Variants in GALNT17 observed in about 807,000 individuals in gnomAD.
GALNT17 encodes UDP-GalNAc:polypeptide N-acetylgalactosaminyltransferase-like 3.
Under a neutral mutation model 63.7 loss-of-function variants are expected in GALNT17, and 29 were observed. That is an observed-to-expected ratio of 0.46 (90% confidence interval 0.34 to 0.62). The LOEUF is 0.62. Ranked by LOEUF, GALNT17 falls within the 20% of genes least tolerant of loss-of-function variation. GALNT17 has a pLI of 0.01. For synonymous variants in GALNT17, 305 were observed against 318.3 expected, an observed-to-expected ratio of 0.96 and a Z score of 0.45; for missense variants, 603 against 799.6, an observed-to-expected ratio of 0.75 and a Z score of 2.97.
At chr7:71,243,607 G>A (rs2116473102) in intron 1 of GALNT17, among the ~76,000 whole-genome samples, 1 of 151,970 alleles carries the variant, frequency 6.6e-6, no homozygotes, top group South Asian at 2.1e-4. Flanking sequence ...GTCTTGCTAA[G>A]TTGCCCAGGC....
intron 1 of GALNT17, among the ~76,000 whole-genome samples, chr7:71,294,477 T>TG (rs1791042000): frequency 7.0e-6 from 1 of 142,068 alleles, no homozygotes; most frequent in South Asian, 2.2e-4. Context: ...TGCAGTGGTG[T>TG]GGTCTTGGCT....
chr7:71,556,097 T>C (rs534171261), intron 5 of GALNT17, among the ~76,000 whole-genome samples: 1 of 152,364 alleles, frequency 6.6e-6, no homozygotes, highest in East Asian at 1.9e-4. Flanking sequence ...AATAAATTAT[T>C]ATACTCTTTT....
intron 1 of GALNT17, among the ~76,000 whole-genome samples, chr7:71,178,460 AT>A (rs1788677522): frequency 6.6e-6 from 1 of 151,986 alleles, no homozygotes; most frequent in South Asian, 2.1e-4. Context: ...TTGTAGGCCT[AT>A]TTCTTCACGT....
chr7:71,247,756 CAA>C (rs1790125545), intron 1 of GALNT17, among the ~76,000 whole-genome samples: 1 of 152,244 alleles, frequency 6.6e-6, no homozygotes, highest in East Asian at 1.9e-4. Context: ...TGCACCTGGC[CAA>C]AGAGTCTACT....
At chr7:71,211,683 A>G (rs1789380603) in intron 1 of GALNT17, among the ~76,000 whole-genome samples, 1 of 152,164 alleles carries the variant, frequency 6.6e-6, no homozygotes. Context: ...AGCTATATGG[A>G]CAATAAGGTC....
Position 71,415,943 on chromosome 7 carries a change from T to C in GALNT17, c.644T>C (p.Val215Ala). 4 of 1,613,202 alleles carry C rather than the reference T, an allele frequency of 2.5e-6. No individual in the cohort carries two copies. Among genetic ancestry groups the C allele is most frequent in the Non-Finnish European group, 1.7e-6 (2 of 1,179,678 alleles). Reference sequence around the variant, plus strand: ...GTCCACAAACGCTACCCCGGGCTGGTGAAGGTGGTAAGAAATCAGAAGAGG... The same window carrying C: ...GTCCACAAACGCTACCCCGGGCTGGCGAAGGTGGTAAGAAATCAGAAGAGG... ...EYVHKRYPGL[V>A]KVVRNQKREG... Residue 215 changes from valine to alanine, a missense_variant, in exon 4 of 11, where the codon GTG (valine) becomes GCG (alanine). By Grantham distance (64) the Val-to-Ala change is moderately conservative. This residue lies in a region of GALNT17 where 336 missense variants were observed against 507.8 expected (regional missense o/e 0.66). Transcript: ENST00000333538.
intron 5 of GALNT17, among the ~76,000 whole-genome samples, chr7:71,564,164 G>T (rs1325819844): frequency 6.6e-6 from 1 of 152,068 alleles, no homozygotes; most frequent in Non-Finnish European, 1.5e-5. Context: ...CTGCTTCCAG[G>T]GAGGGTCACC....
At position 71,557,350 on chromosome 7, in the gene GALNT17, G is replaced by A. The variant is rs557430982; in HGVS notation, c.963-13935G>A. Among the ~76,000 whole-genome samples the A allele has an allele frequency of 2.2e-4, 33 of 152,124 alleles. 2 individuals are homozygous for A. In the South Asian group the frequency reaches 6.9e-3, roughly 32 times the overall value. On this transcript the variant is annotated intron_variant, in intron 5 of 10. Transcript: ENST00000333538. ...GTGTTGCTAGCCTGATGCCATTCTC[G>A]AATGTACATCCTAAAGCTTTTATCA...
chr7:71,420,529 C>T (rs922750577), intron 4 of GALNT17, among the ~76,000 whole-genome samples: 4 of 152,114 alleles, frequency 2.6e-5, no homozygotes, highest in Admixed American at 6.5e-5. Context: ...GGGAAACTGA[C>T]GACACTGTAT....
At chr7:71,470,580 G>A (rs1385199806) in intron 5 of GALNT17, among the ~76,000 whole-genome samples, 1 of 151,984 alleles carries the variant, frequency 6.6e-6, no homozygotes, top group African/African-American at 2.4e-5. Flanking sequence ...GTGGAAGGAG[G>A]GAGACGATGT....
At chr7:71,568,303 T>C (rs1789383499) in intron 5 of GALNT17, among the ~76,000 whole-genome samples, 1 of 152,202 alleles carries the variant, frequency 6.6e-6, no homozygotes, top group African/African-American at 2.4e-5. Flanking sequence ...TCAGTGGAGA[T>C]GGTTCTGCCT....
At chr7:71,530,178 G>C (rs73181331) in intron 5 of GALNT17, among the ~76,000 whole-genome samples, 17,997 of 152,174 alleles carry the variant, frequency 0.12, 1,164 homozygotes, top group East Asian at 0.24. Flanking sequence ...CAAGTCCTGG[G>C]TCCCTGCTGT....
chr7:71,532,682 A>G (rs1788739743), intron 5 of GALNT17, among the ~76,000 whole-genome samples: 1 of 152,164 alleles, frequency 6.6e-6, no homozygotes, highest in African/African-American at 2.4e-5. Context: ...GTTGGCTTGA[A>G]GCATTAGAGG....
chr7:71,501,662 C>T (rs904173927), intron 5 of GALNT17, among the ~76,000 whole-genome samples: 6 of 152,120 alleles, frequency 3.9e-5, no homozygotes, highest in Non-Finnish European at 8.8e-5. Context: ...GATAGGGACT[C>T]TTAGTGCAGG....
chr7:71,624,297 CAG>C (rs1239469554), intron 6 of GALNT17, among the ~76,000 whole-genome samples: 1 of 152,208 alleles, frequency 6.6e-6, no homozygotes, highest in Non-Finnish European at 1.5e-5. Context: ...GAAAAGGTCT[CAG>C]GGCCCCCAGG....
chr7:71,528,181 G>A (rs1031357665), intron 5 of GALNT17, among the ~76,000 whole-genome samples: 7 of 152,172 alleles, frequency 4.6e-5, no homozygotes, highest in African/African-American at 1.7e-4. Context: ...GACAAAATGG[G>A]CTGGGAATTC....
At chr7:71,235,433 C>T (rs1377763293) in intron 1 of GALNT17, among the ~76,000 whole-genome samples, 2 of 151,890 alleles carry the variant, frequency 1.3e-5, no homozygotes, top group African/African-American at 2.4e-5. Flanking sequence ...TGGAGTGACT[C>T]GGATAGAATT....
At chr7:71,555,530 C>T (rs1033667868) in intron 5 of GALNT17, among the ~76,000 whole-genome samples, 1 of 151,786 alleles carries the variant, frequency 6.6e-6, no homozygotes, top group Non-Finnish European at 1.5e-5. Context: ...CCCATCAGGC[C>T]CCACCTATAA....
chr7:71,443,020 T>G (rs1787096643), intron 5 of GALNT17, among the ~76,000 whole-genome samples: 1 of 152,124 alleles, frequency 6.6e-6, no homozygotes, highest in African/African-American at 2.4e-5. Flanking sequence ...TTTCCGACTG[T>G]GGTTTCTGTG....
Sources: allele counts gnomAD v4.1 joint callset (sites outside exome capture counted in the v4.1 genomes callset), GRCh38; gene constraint gnomAD v4.1.1; regional missense constraint gnomAD v4.1.1; transcripts MANE v1.5; gene names NCBI Gene and HGNC (gene_info 2026-07-23, HGNC 2026-07-21).